Variants in PLEKHG1 observed in about 807,000 individuals in gnomAD.
The protein encoded by PLEKHG1 is pleckstrin homology domain-containing family G member 1.
A neutral mutation model predicts 100.8 loss-of-function variants in PLEKHG1; 44 were observed. That is an observed-to-expected ratio of 0.44 (90% CI 0.34 to 0.56). PLEKHG1 has a LOEUF of 0.56. Ranked by LOEUF, PLEKHG1 falls within the 20% of genes least tolerant of loss-of-function variation. The pLI is 0.01. For missense variants in PLEKHG1, 1,545 were observed against 1,720.9 expected, an observed-to-expected ratio of 0.90 and a Z score of 1.81; for synonymous variants, 640 against 662.5, an observed-to-expected ratio of 0.97 and a Z score of 0.52.
rs1356951408 is a variant in PLEKHG1, at chr6:150,618,053, CAT to C, written c.-204+18038_-204+18039del. On this transcript the variant is annotated intron_variant, in intron 1 of 3. Coordinates refer to the PLEKHG1 transcript ENST00000367326. ...ATATAAGTTTATTATAAATTATACT[CAT>C]AGAATGTGTGATACAATTTGCAAAT... Among the ~76,000 whole-genome samples the C allele has an allele frequency of 1.1e-4, 16 of 152,292 alleles. 1 individual carries two copies. In the South Asian group the frequency reaches 2.9e-3, roughly 28 times the overall value.
chr6:150,785,569 A>G (rs748036156), intron 3 of PLEKHG1, among the ~76,000 whole-genome samples: 2 of 152,186 alleles, frequency 1.3e-5, no homozygotes, highest in African/African-American at 2.4e-5. Flanking sequence ...CATTTGAGGA[A>G]AGATATTTCC....
chr6:150,803,903 A>G (rs1786855362), intron 6 of PLEKHG1, among the ~76,000 whole-genome samples: 1 of 151,962 alleles, frequency 6.6e-6, no homozygotes, highest in South Asian at 2.1e-4. Context: ...TGAGAACTGT[A>G]TAACATTGGC....
rs561111159 is a variant in PLEKHG1 at position 150,626,669 on chromosome 6, G to A, written c.-203-11411G>A. On this transcript the variant is annotated intron_variant, in intron 1 of 3. Transcript: ENST00000367326. ...ACCCAAGATAAGTAAAGCTCTTTGG[G>A]GAGGTGCGTGTAAATTCCATTTCAG... Among the ~76,000 whole-genome samples, 11 of 152,284 alleles carry A rather than the reference G, an allele frequency of 7.2e-5. No homozygotes were observed. The South Asian group carries it at 2.3e-3, about 32-fold the overall frequency.
chr6:150,673,957 G>A (rs928665575), intron 3 of PLEKHG1, among the ~76,000 whole-genome samples: 5 of 152,072 alleles, frequency 3.3e-5, no homozygotes, highest in Admixed American at 2.0e-4. Context: ...GTGCCACCGC[G>A]CTCACCCTAT....
At chr6:150,781,128 G>C (rs1191657113) in intron 3 of PLEKHG1, among the ~76,000 whole-genome samples, 2 of 151,204 alleles carry the variant, frequency 1.3e-5, no homozygotes, top group Middle Eastern at 3.4e-3. Context: ...ACCTGCCTCG[G>C]CCTCCCAAAG....
chr6:150,692,791 T>C (rs1211434703), intron 3 of PLEKHG1, among the ~76,000 whole-genome samples: 1 of 152,236 alleles, frequency 6.6e-6, no homozygotes, highest in Non-Finnish European at 1.5e-5. Context: ...TTTTAACTCA[T>C]GAAGTTTCTA....
intron 1 of PLEKHG1, among the ~76,000 whole-genome samples, chr6:150,628,527 AACACACAC>A (rs565121317): frequency 1.3e-3 from 119 of 94,786 alleles, no homozygotes; most frequent in African/African-American, 1.8e-3. Context: ...TAGATAGGAA[AACACACAC>A]ACACACACAC....
intron 3 of PLEKHG1, among the ~76,000 whole-genome samples, chr6:150,714,741 T>C (rs1041498387): frequency 6.6e-6 from 1 of 152,178 alleles, no homozygotes; most frequent in African/African-American, 2.4e-5. Flanking sequence ...TAACGAAAAA[T>C]GGCTTCATTT....
At chr6:150,679,722 C>T (rs1005666224) in intron 3 of PLEKHG1, among the ~76,000 whole-genome samples, 10 of 152,148 alleles carry the variant, frequency 6.6e-5, no homozygotes, top group African/African-American at 1.7e-4. Context: ...AAAACACATG[C>T]GCTTTCCCTG....
At chr6:150,620,179 AAG>A (rs1043162090) in intron 1 of PLEKHG1, among the ~76,000 whole-genome samples, 59 of 152,110 alleles carry the variant, frequency 3.9e-4, no homozygotes, top group African/African-American at 1.4e-3. Context: ...TTTAATCTGA[AAG>A]GGGATTTTCG....
At chr6:150,807,709 C>T (rs577210060) in intron 7 of PLEKHG1, among the ~76,000 whole-genome samples, 1 of 152,324 alleles carries the variant, frequency 6.6e-6, no homozygotes, top group East Asian at 1.9e-4. Flanking sequence ...CGCCGGGGCT[C>T]ACACCTATAA....
chr6:150,843,116 G>C (rs1303551541), exon 16 of PLEKHG1: 2 of 152,204 alleles, frequency 1.3e-5, no homozygotes, highest in Admixed American at 6.5e-5. Flanking sequence ...TTCGCTTTTT[G>C]ATTGGTATTA....
In PLEKHG1 at chr6:150,831,868, A is replaced by G; in HGVS notation, c.2757A>G (p.Glu919=). Residue 919 remains glutamate, a synonymous_variant, in exon 15 of 16, where the codon GAA becomes GAG. Coordinates refer to ENST00000358517, the Ensembl canonical transcript of PLEKHG1. This position sits in a 1 kb window ranked among gnomAD's most constrained non-coding sequence, Gnocchi z 4.1. Reference sequence around the variant, plus strand: ...GCCGCGCCAACTGCCCCTTTGAGGAAGACCTGATTTCTAAAGAAGGCTCCT... The same window carrying G: ...GCCGCGCCAACTGCCCCTTTGAGGAGGACCTGATTTCTAAAGAAGGCTCCT... The G allele has an allele frequency of 6.2e-7, 1 of 1,613,822 alleles. No homozygotes were observed. Among genetic ancestry groups the G allele is most frequent in the Non-Finnish European group, 8.5e-7 (1 of 1,179,816 alleles).
intron 3 of PLEKHG1, among the ~76,000 whole-genome samples, chr6:150,661,954 TAAAC>T (rs967363093): frequency 1.3e-5 from 2 of 151,970 alleles, no homozygotes; most frequent in South Asian, 2.1e-4. Context: ...TGATTTGAAA[TAAAC>T]AATAAGGTAG....
At chr6:150,822,955 G>C (rs1380081008) in intron 13 of PLEKHG1, among the ~76,000 whole-genome samples, 1 of 152,152 alleles carries the variant, frequency 6.6e-6, no homozygotes, top group East Asian at 1.9e-4. Flanking sequence ...GCTCCAGCCT[G>C]GATGACAGAG....
At chr6:150,734,455 C>T (rs1782459718) in intron 2 of PLEKHG1, among the ~76,000 whole-genome samples, 1 of 152,142 alleles carries the variant, frequency 6.6e-6, no homozygotes, top group African/African-American at 2.4e-5. Context: ...TATGACTAAA[C>T]CCCTCAGCTG....
intron 15 of PLEKHG1, among the ~76,000 whole-genome samples, 171 bp from the exon 17 acceptor site, chr6:150,839,662 G>C (rs1466371013): frequency 2.6e-5 from 4 of 151,946 alleles, no homozygotes; most frequent in African/African-American, 7.2e-5. Flanking sequence ...CCATGGATTT[G>C]TGTGTGTGTG....
At chr6:150,680,723 C>G (rs148858356) in intron 3 of PLEKHG1, among the ~76,000 whole-genome samples, 1 of 152,298 alleles carries the variant, frequency 6.6e-6, no homozygotes, top group East Asian at 1.9e-4. Flanking sequence ...TAAGCAGCAT[C>G]ATATTACAGG....
chr6:150,697,248 AC>A (rs1211639465), intron 3 of PLEKHG1, among the ~76,000 whole-genome samples: 1 of 152,246 alleles, frequency 6.6e-6, no homozygotes. Flanking sequence ...TAAATTCTCA[AC>A]CTTTAAGAAG....
Sources: gnomAD v4.1 joint callset for allele counts (sites outside exome capture counted in the v4.1 genomes callset) on GRCh38, gnomAD v4.1.1 for gene constraint, Gnocchi (gnomAD v3.1) non-coding constraint, MANE v1.5 for transcripts, NCBI Gene and HGNC (gene_info 2026-07-23, HGNC 2026-07-21) for gene names.